The following GPR78 variants were observed in gnomAD, a reference collection of about 807,000 sequenced individuals.
The protein encoded by GPR78 is G protein-coupled receptor 78.
Under a neutral mutation model 17.9 loss-of-function variants are expected in GPR78, and 29 were observed. The observed-to-expected ratio is 1.62, with a 90% confidence interval of 1.20 to 2.21. GPR78 has a LOEUF of 2.21. Ranked by LOEUF, GPR78 falls within the 30% of genes most tolerant of loss-of-function variation. GPR78 has a pLI of 0.00. For synonymous variants in GPR78, 349 were observed against 256.9 expected (o/e 1.36, Z -3.43); for missense variants, 649 against 530.5 (o/e 1.22, Z -2.19).
chr4:8,581,459 C>A lies in GPR78; in HGVS notation c.477C>A (p.Arg159=), dbSNP rs1420884502. 1.9e-6 allele frequency: 3 copies of A among 1,591,498 alleles called. No homozygotes were observed. The highest frequency in any genetic ancestry group is 2.2e-5 in the South Asian group (2 of 89,700). Residue 159 remains arginine, a synonymous_variant, in exon 1 of 3, where the codon CGC becomes CGA. Transcript: ENST00000382487. ...YSSAFASCSL[R]LPPEPERPRF... Reference sequence around the variant, plus strand: ...GCGCCTTCGCGTCCTGTTCGCTGCGCCTGCCGCCCGAGCCTGAGCGTCCGC... The same window carrying A: ...GCGCCTTCGCGTCCTGTTCGCTGCGACTGCCGCCCGAGCCTGAGCGTCCGC...
Position 8,589,702 on chromosome 4 carries a change from C to T in GPR78, c.*2339C>T, listed in dbSNP as rs535889387. Among the ~76,000 whole-genome samples the T allele has an allele frequency of 2.6e-5, 4 of 152,322 alleles. No individual in the cohort carries two copies. Among genetic ancestry groups the T allele is most frequent in the South Asian group, 2.1e-4 (1 of 4,830 alleles). Reference sequence around the variant, plus strand: ...ACTACTTTAGAGCCACTCAAGGAAACGCGTGCACCCTGCCCTGCTGGAAGG... The same window carrying T: ...ACTACTTTAGAGCCACTCAAGGAAATGCGTGCACCCTGCCCTGCTGGAAGG... On this transcript the variant is annotated 3_prime_UTR_variant, in exon 3 of 3. Transcript: ENST00000382487.
Position 8,580,657 on chromosome 4 carries a change from C to CCGCGCCCCTGCGCCT in GPR78, c.-322_-308dup, listed in dbSNP as rs1713232037. The stretch of plus-strand genomic sequence containing the variant: ...AAGAGACCTCCCTCGCCCCTACGCC[C>CCGCGCCCCTGCGCCT]CGCGCCCCTGCGCCTCGCTTCAGCC... On this transcript the variant is annotated 5_prime_UTR_variant, in exon 1 of 3. Transcript: ENST00000382487. The CCGCGCCCCTGCGCCT allele has an allele frequency of 1.6e-5, 7 of 431,738 alleles. No individual in the cohort carries two copies. Among genetic ancestry groups the CCGCGCCCCTGCGCCT allele is most frequent in the Non-Finnish European group, 2.9e-5 (7 of 245,608 alleles). The allele number at this position is 431,738 out of a possible 1,614,324, so 26.7% of individuals were successfully genotyped here. A position where few individuals can be genotyped will look rare whatever the true frequency, so the allele number is the denominator to read the frequency against.
Position 8,587,388 on chromosome 4 carries a change from C to CA in GPR78, c.*26dup. 1.2e-6 allele frequency: 2 copies of CA among 1,600,212 alleles called. No individual in the cohort carries two copies. Among genetic ancestry groups the CA allele is most frequent in the Non-Finnish European group, 1.7e-6 (2 of 1,171,472 alleles). On this transcript the variant is annotated 3_prime_UTR_variant, in exon 3 of 3. Transcript: ENST00000382487. ...AGGGCCTGGCAGGGCTCATCGCCCCCACCTTCTAAGAAGCCCTGTGGAAAG... is the reference window on the plus strand; with the variant it reads ...AGGGCCTGGCAGGGCTCATCGCCCCCAACCTTCTAAGAAGCCCTGTGGAAAG...
At chr4:8,585,933 G>A (rs1360869451) in intron 2 of GPR78, among the ~76,000 whole-genome samples, 2 of 152,192 alleles carry the variant, frequency 1.3e-5, no homozygotes, top group African/African-American at 4.8e-5. Context: ...TAAATCACAG[G>A]GCTGCAGTCC....
rs1452863978 is a variant in GPR78 at position 8,589,464 on chromosome 4, C to T, written c.*2101C>T. ...CACAGAGGGCACGTGAACTCGAGACCGTGCTGCACCCCGGTGCCCCTGTGC... is the reference window on the plus strand; with the variant it reads ...CACAGAGGGCACGTGAACTCGAGACTGTGCTGCACCCCGGTGCCCCTGTGC... On this transcript the variant is annotated 3_prime_UTR_variant, in exon 3 of 3. Transcript: ENST00000382487. Among the ~76,000 whole-genome samples the T allele has an allele frequency of 6.6e-6, 1 of 152,034 alleles. No homozygotes were observed. The highest frequency in any genetic ancestry group is 1.5e-5 in the Non-Finnish European group (1 of 67,998).
intron 2 of GPR78, among the ~76,000 whole-genome samples, chr4:8,586,509 G>C (rs1385214544): frequency 6.6e-6 from 1 of 152,218 alleles, no homozygotes; most frequent in Non-Finnish European, 1.5e-5. Context: ...CACTTGCTCA[G>C]GGTCTGTTCT....
intron 2 of GPR78, among the ~76,000 whole-genome samples, chr4:8,584,132 T>A (rs1462513621): frequency 3.9e-5 from 6 of 152,216 alleles, no homozygotes; most frequent in Non-Finnish European, 7.3e-5. Flanking sequence ...CATGTACATA[T>A]GTGTAGAAGG....
intron 2 of GPR78, among the ~76,000 whole-genome samples, chr4:8,584,571 C>T (rs186750128): frequency 4.6e-5 from 7 of 152,348 alleles, no homozygotes; most frequent in East Asian, 3.9e-4. Context: ...AGGCTCCTCT[C>T]GGTTCTGATG....
At position 8,581,435 on chromosome 4, in the gene GPR78, C is replaced by T. The variant is rs374635826; in HGVS notation, c.453C>T (p.Ser151=). 42 of 1,588,442 alleles carry T rather than the reference C, an allele frequency of 2.6e-5. No homozygotes were observed. Among genetic ancestry groups the T allele is most frequent in the Non-Finnish European group, 3.1e-5 (36 of 1,175,144 alleles). Residue 151 remains serine, a synonymous_variant, in exon 1 of 3, where the codon AGC becomes AGT. Transcript: ENST00000382487. ...GCTGCTCGTGGCTTGGCTACAGCAG[C>T]GCCTTCGCGTCCTGTTCGCTGCGCC... is the stretch of plus-strand genomic sequence containing the variant. ...ALGCSWLGYS[S]AFASCSLRLP... is the part of the protein sequence containing the mutation.
At position 8,582,144 on chromosome 4, in the gene GPR78, C is replaced by T. The variant is rs528458634; in HGVS notation, c.669-387C>T. Among the ~76,000 whole-genome samples the T allele has an allele frequency of 6.6e-5, 10 of 152,172 alleles. No individual in the cohort carries two copies. In the South Asian group the frequency reaches 1.9e-3, roughly 28 times the overall value. On this transcript the variant is annotated intron_variant, in intron 1 of 2. Coordinates refer to ENST00000382487, the MANE Select transcript of GPR78 (RefSeq NM_080819.5). ...TCCAAATTACCTCCTGTAGGTGTTC[C>T]CCTTTCCCCCTTGGCCCCCCACAGA...
chr4:8,580,825 G>C lies in GPR78; in HGVS notation c.-158G>C, dbSNP rs1713243343. 1 of 745,580 alleles carries C rather than the reference G, an allele frequency of 1.3e-6. No homozygotes were observed. The allele number at this position is 745,580 out of a possible 1,614,324, so 46.2% of individuals were successfully genotyped here. A position where few individuals can be genotyped will look rare whatever the true frequency, so the allele number is the denominator to read the frequency against. ...GGGTGCCCCGGACCCTGCACTTGCCGCCGCTTTCCTCGCGCTGCTCTGGAC... is the reference window on the plus strand; with the variant it reads ...GGGTGCCCCGGACCCTGCACTTGCCCCCGCTTTCCTCGCGCTGCTCTGGAC... On this transcript the variant is annotated 5_prime_UTR_variant, in exon 1 of 3. Transcript: ENST00000382487.
chr4:8,582,371 T>C (rs558166894), intron 1 of GPR78, among the ~76,000 whole-genome samples, 160 bp from the exon 2 acceptor site: 7 of 152,188 alleles, frequency 4.6e-5, no homozygotes, highest in African/African-American at 1.7e-4. Flanking sequence ...AGCCTACCCC[T>C]TGTTCTTTCT....
chr4:8,587,517 A>T lies in GPR78; in HGVS notation c.*154A>T, dbSNP rs1713564519. The T allele has an allele frequency of 2.6e-6, 2 of 770,498 alleles. No individual in the cohort carries two copies. Among genetic ancestry groups the T allele is most frequent in the Non-Finnish European group, 4.1e-6 (2 of 483,464 alleles). The allele number at this position is 770,498 out of a possible 1,614,324, so 47.7% of individuals were successfully genotyped here. ...AGGAGGAGGAGGAGGAGAGGGCCGG[A>T]TGTGGGTGTGGACAGCAGTAGTGGC... On this transcript the variant is annotated 3_prime_UTR_variant, in exon 3 of 3. Coordinates refer to ENST00000382487, the MANE Select transcript of GPR78 (RefSeq NM_080819.5).
chr4:8,583,027 G>C (rs1263831951), intron 2 of GPR78: 1 of 179,268 alleles, frequency 5.6e-6, no homozygotes, highest in Non-Finnish European at 1.2e-5. Flanking sequence ...TCCAGCTGGA[G>C]CCTCGGGGCA....
Position 8,589,450 on chromosome 4 carries a change from C to T in GPR78, c.*2087C>T, listed in dbSNP as rs934645841. 4.6e-5 allele frequency among the ~76,000 whole-genome samples: 7 copies of T among 152,068 alleles called. No homozygotes were observed. The highest frequency in any genetic ancestry group is 8.8e-5 in the Non-Finnish European group (6 of 68,022). On this transcript the variant is annotated 3_prime_UTR_variant, in exon 3 of 3. Coordinates refer to ENST00000382487, the MANE Select transcript of GPR78 (RefSeq NM_080819.5). ...GTCATGCCCTGGTTCACAGAGGGCACGTGAACTCGAGACCGTGCTGCACCC... is the reference window on the plus strand; with the variant it reads ...GTCATGCCCTGGTTCACAGAGGGCATGTGAACTCGAGACCGTGCTGCACCC...
intron 2 of GPR78, among the ~76,000 whole-genome samples, chr4:8,586,217 C>T (rs574957728): frequency 8.4e-4 from 128 of 152,256 alleles, no homozygotes; most frequent in African/African-American, 2.6e-3. Flanking sequence ...CGGAGGGGTC[C>T]GTCAGAGTCC....
At chr4:8,583,494 A>C (rs1294365445) in intron 2 of GPR78, among the ~76,000 whole-genome samples, 1 of 152,172 alleles carries the variant, frequency 6.6e-6, no homozygotes, top group East Asian at 1.9e-4. Context: ...CGCTCCTGGG[A>C]GGGGTCCATG....
At chr4:8,583,835 C>T (rs561871980) in intron 2 of GPR78, among the ~76,000 whole-genome samples, 3 of 152,312 alleles carry the variant, frequency 2.0e-5, no homozygotes, top group South Asian at 2.1e-4. Flanking sequence ...GAGCTCTTGG[C>T]ACCACTGATC....
Position 8,582,602 on chromosome 4 carries a change from T to C in GPR78, c.740T>C (p.Ile247Thr). 2 of 1,613,594 alleles carry C rather than the reference T, an allele frequency of 1.2e-6. No homozygotes were observed. The highest frequency in any genetic ancestry group is 2.2e-5 in the East Asian group (1 of 44,872). ...GCCACCAGGAAGATTGGCATTGCTATTGCGACCTTCCTCATCTGCTTTGCC... is the reference window on the plus strand; with the variant it reads ...GCCACCAGGAAGATTGGCATTGCTACTGCGACCTTCCTCATCTGCTTTGCC... ...HRATRKIGIA[I>T]ATFLICFAPY... Residue 247 changes from isoleucine (I) to threonine (T), a missense_variant, in exon 2 of 3, where the codon ATT (isoleucine) becomes ACT (threonine). Ile to Thr is a moderately conservative substitution (Grantham distance 89, BLOSUM62 -1). Transcript: ENST00000382487.
Sources: allele counts gnomAD v4.1 joint callset (sites outside exome capture counted in the v4.1 genomes callset), GRCh38; gene constraint gnomAD v4.1.1; transcripts MANE v1.5; gene names NCBI Gene and HGNC (gene_info 2026-07-23, HGNC 2026-07-21).